Variants in MSRB3 observed in about 807,000 individuals in gnomAD.
MSRB3 encodes the protein methionine sulfoxide reductase B3.
In MSRB3, 13 loss-of-function variants were observed where a neutral mutation model predicts 21.0. That is an observed-to-expected ratio of 0.62 (90% confidence interval 0.40 to 0.98). The LOEUF is 0.98. Ranked by LOEUF, MSRB3 falls within the 50% of genes least tolerant of loss-of-function variation. The pLI is 0.00. For missense variants in MSRB3, 199 were observed against 230.3 expected (o/e 0.86, Z 0.88); for synonymous variants, 87 against 88.6 (o/e 0.98, Z 0.10).
intron 4 of MSRB3, among the ~76,000 whole-genome samples, chr12:65,335,158 C>A (rs568253864): frequency 6.6e-6 from 1 of 152,110 alleles, no homozygotes; most frequent in African/African-American, 2.4e-5. Flanking sequence ...AAACTAAATG[C>A]AGAAAAATGC....
At chr12:65,321,015 AG>A (rs1285573841) in intron 2 of MSRB3, among the ~76,000 whole-genome samples, 1 of 152,136 alleles carries the variant, frequency 6.6e-6, no homozygotes, top group Non-Finnish European at 1.5e-5. Flanking sequence ...CTCCTCCTTC[AG>A]GGCTTTGCTC....
At chr12:65,428,226 A>G (rs1881700983) in intron 5 of MSRB3, among the ~76,000 whole-genome samples, 2 of 152,118 alleles carry the variant, frequency 1.3e-5, no homozygotes, top group South Asian at 4.1e-4. Context: ...GATTCAGACA[A>G]CCTCTGCTAT....
intron 1 of MSRB3, among the ~76,000 whole-genome samples, chr12:65,280,273 A>C (rs916134116): frequency 3.3e-5 from 5 of 151,988 alleles, no homozygotes; most frequent in South Asian, 2.1e-4. Context: ...ATTGTTTTTC[A>C]AAAAAACCCT....
In MSRB3 at chr12:65,463,459, C is replaced by A; in HGVS notation, c.*137C>A. 1 of 1,084,776 alleles carries A rather than the reference C, an allele frequency of 9.2e-7. No individual in the cohort carries two copies. Among genetic ancestry groups the A allele is most frequent in the South Asian group, 1.6e-5 (1 of 62,628 alleles). 67.2% of individuals were successfully genotyped at this position (1,084,776 alleles called of 1,614,324 possible). On this transcript the variant is annotated 3_prime_UTR_variant, in exon 7 of 7. Transcript: ENST00000308259. Reference sequence around the variant, plus strand: ...GCTATTGATATTTTTTCTTCTTTTGCTTAAACAGAAGCCCTGGCCATCCAT... The same window carrying A: ...GCTATTGATATTTTTTCTTCTTTTGATTAAACAGAAGCCCTGGCCATCCAT...
intron 5 of MSRB3, among the ~76,000 whole-genome samples, chr12:65,405,081 G>T (rs559306158): frequency 2.6e-5 from 4 of 151,656 alleles, no homozygotes; most frequent in Admixed American, 6.6e-5. Flanking sequence ...CTCCCAAGTC[G>T]CTGGGATTAC....
chr12:65,377,215 C>G (rs1446307411), intron 5 of MSRB3, among the ~76,000 whole-genome samples: 1 of 151,950 alleles, frequency 6.6e-6, no homozygotes, highest in African/African-American at 2.4e-5. Context: ...GATCTTTTCT[C>G]TCTCTCCAAG....
At chr12:65,459,160 G>A (rs187350693) in intron 6 of MSRB3, among the ~76,000 whole-genome samples, 3 of 152,284 alleles carry the variant, frequency 2.0e-5, no homozygotes. Flanking sequence ...CCACGTTGGA[G>A]TCTATTTATG....
chr12:65,466,122 C>T lies in MSRB3; in HGVS notation c.*2800C>T, dbSNP rs1183679741. ...CTTAACATTTCACTCAAAAAAAAGC[C>T]CCTCTTTTTCTAATCCTTAGTCTTT... On this transcript the variant is annotated 3_prime_UTR_variant, in exon 7 of 7. Transcript: ENST00000308259. 1.3e-5 allele frequency: 2 copies of T among 151,990 alleles called. No individual in the cohort carries two copies. The highest frequency in any genetic ancestry group is 2.4e-5 in the African/African-American group (1 of 41,368). 9.4% of individuals were successfully genotyped at this position (151,990 alleles called of 1,614,324 possible). A position where few individuals can be genotyped will look rare whatever the true frequency, so the allele number is the denominator to read the frequency against.
At position 65,314,117 on chromosome 12, in the gene MSRB3, A is replaced by G. The variant is rs1592515014; in HGVS notation, c.76+5462A>G. 2.0e-5 allele frequency among the ~76,000 whole-genome samples: 3 copies of G among 152,274 alleles called. No individual in the cohort carries two copies. The East Asian group carries it at 5.8e-4, about 29-fold the overall frequency. ...TTTTCAATAAGATTCTGACTCCCTT[A>G]TGCTTGGCCATCTCATTGAAATTGT... is the stretch of plus-strand genomic sequence containing the variant. On this transcript the variant is annotated intron_variant, in intron 2 of 6. Coordinates refer to ENST00000308259, the MANE Select transcript of MSRB3 (RefSeq NM_001031679.3).
chr12:65,286,157 T>G (rs1323000303), intron 1 of MSRB3: 1 of 152,240 alleles, frequency 6.6e-6, no homozygotes, highest in Non-Finnish European at 1.5e-5. Flanking sequence ...AAATTATGAC[T>G]TATAGAGTCT....
chr12:65,451,164 G>A (rs1442379260), intron 5 of MSRB3, among the ~76,000 whole-genome samples: 2 of 152,084 alleles, frequency 1.3e-5, no homozygotes, highest in African/African-American at 4.8e-5. Flanking sequence ...TCAGGATTTG[G>A]GTTGACATAT....
intron 5 of MSRB3, among the ~76,000 whole-genome samples, chr12:65,416,233 T>C (rs1235002291): frequency 6.6e-6 from 1 of 152,216 alleles, no homozygotes; most frequent in Non-Finnish European, 1.5e-5. Flanking sequence ...TCCCCATTAA[T>C]TGCTAGCTCC....
intron 1 of MSRB3, among the ~76,000 whole-genome samples, chr12:65,298,521 G>T (rs1034983808): frequency 1.4e-4 from 21 of 152,104 alleles, no homozygotes; most frequent in Non-Finnish European, 2.8e-4. Flanking sequence ...TCTACTTTAT[G>T]ATCTCATTCA....
intron 1 of MSRB3, among the ~76,000 whole-genome samples, chr12:65,281,449 A>G (rs1872014227): frequency 6.6e-6 from 1 of 152,162 alleles, no homozygotes; most frequent in South Asian, 2.1e-4. Context: ...GACTTGCTAT[A>G]CATGTCAAAC....
chr12:65,427,347 C>A (rs1459904164), intron 5 of MSRB3, among the ~76,000 whole-genome samples: 1 of 152,112 alleles, frequency 6.6e-6, no homozygotes, highest in Non-Finnish European at 1.5e-5. Flanking sequence ...GCAGCTGATA[C>A]CACAGTGGCA....
At chr12:65,463,041 T>A in intron 6 of MSRB3, 114 bp from the exon 7 acceptor site, 3 of 1,290,586 alleles carry the variant, frequency 2.3e-6, no homozygotes, top group Non-Finnish European at 3.4e-6. Context: ...TCATCCACGA[T>A]GGTTTCCTTC....
chr12:65,462,270 G>T (rs1883363806), intron 6 of MSRB3, among the ~76,000 whole-genome samples: 1 of 152,140 alleles, frequency 6.6e-6, no homozygotes. Flanking sequence ...ATATCTAAGT[G>T]TGACATGTAC....
chr12:65,322,859 A>T (rs1305948514), intron 2 of MSRB3, among the ~76,000 whole-genome samples: 1 of 152,068 alleles, frequency 6.6e-6, no homozygotes, highest in Non-Finnish European at 1.5e-5. Context: ...GAGAAGATTA[A>T]ATGTATTTAT....
intron 5 of MSRB3, among the ~76,000 whole-genome samples, chr12:65,407,275 A>T (rs1280442000): frequency 6.6e-6 from 1 of 151,042 alleles, no homozygotes; most frequent in Non-Finnish European, 1.5e-5. Flanking sequence ...GAAAGTCTTT[A>T]TTACTTTCTC....
Sources: gnomAD v4.1 joint callset for allele counts (sites outside exome capture counted in the v4.1 genomes callset) on GRCh38, gnomAD v4.1.1 for gene constraint, MANE v1.5 for transcripts, NCBI Gene and HGNC (gene_info 2026-07-23, HGNC 2026-07-21) for gene names.